ZNF217: variants seen among roughly 807,000 people sequenced by gnomAD.
ZNF217 encodes the protein zinc finger protein 217.
In ZNF217, 12 loss-of-function variants were observed where a neutral mutation model predicts 73.3. The ratio of observed to expected loss-of-function variants is 0.16; its 90% CI spans 0.10 to 0.27. The LOEUF (loss-of-function observed/expected upper bound fraction) is 0.27, where lower values mean the gene tolerates loss of function less well. ZNF217 is among the 10% of genes least tolerant of loss of function. ZNF217 has a pLI of 1.00. For missense variants in ZNF217, 1,195 were observed against 1,327.8 expected, an observed-to-expected ratio of 0.90 and a Z score of 1.55; for synonymous variants, 588 against 516.4, an observed-to-expected ratio of 1.14 and a Z score of -1.88.
chr20:53,576,658 C>A lies in ZNF217; in HGVS notation c.2106G>T (p.Leu702Phe). ...GALHNCPAIS[L>F]SKSLIPSITC... The stretch of plus-strand genomic sequence containing the variant: ...TGATACTTGGAATCAAACTTTTACT[C>A]AAAGAAATTGCCGGGCAATTGTGAA... Residue 702 changes from leucine to phenylalanine, a missense_variant, in exon 4 of 6, where the codon TTG becomes TTT. Around this residue, in one of 9 missense-constraint regions of ZNF217, gnomAD observed 649 missense variants for 642.8 expected, o/e 1.01. Coordinates refer to ENST00000371471, the MANE Select transcript of ZNF217 (RefSeq NM_006526.3). 1.2e-6 allele frequency: 2 copies of A among 1,614,178 alleles called. No individual in the cohort carries two copies. The highest frequency in any genetic ancestry group is 1.7e-6 in the Non-Finnish European group (2 of 1,180,044).
intron 3 of ZNF217, 39 bp from the exon 4 acceptor site, chr20:53,577,319 A>G (rs1312820025): frequency 6.5e-7 from 1 of 1,531,244 alleles, no homozygotes; most frequent in South Asian, 1.2e-5. Context: ...GAAGTGTATG[A>G]AAAGCACTGA....
rs752670692 is a variant in ZNF217 at position 53,576,068 on chromosome 20, T to C, written c.2696A>G (p.Tyr899Cys). The C allele has an allele frequency of 6.8e-6, 11 of 1,614,200 alleles. No homozygotes were observed. The highest frequency in any genetic ancestry group is 2.7e-5 in the African/African-American group (2 of 75,062). Residue 899 changes from tyrosine (Y) to cysteine (C), a missense_variant, in exon 4 of 6, where the codon TAT becomes TGT. Around this residue, in one of 9 missense-constraint regions of ZNF217, gnomAD observed 649 missense variants for 642.8 expected, o/e 1.01. Coordinates refer to ENST00000371471, the MANE Select transcript of ZNF217 (RefSeq NM_006526.3). ...DSPWAPPGRD[Y>C]FCNRSASNTA... ...ATTGCTGGCACTCCGATTACAGAAA[T>C]AGTCTCTTCCCGGAGGTGCCCACGG...
Position 53,581,334 on chromosome 20 carries a change from G to A in ZNF217, c.1366+127C>T, listed in dbSNP as rs1037393415. The A allele has an allele frequency of 2.3e-6, 3 of 1,328,808 alleles. No homozygotes were observed. The highest frequency in any genetic ancestry group is 2.9e-5 in the African/African-American group (2 of 68,266). The allele number at this position is 1,328,808 out of a possible 1,614,324, so 82.3% of individuals were successfully genotyped here. On this transcript the variant is annotated intron_variant, in intron 2 of 5. Coordinates refer to ENST00000371471, the MANE Select transcript of ZNF217 (RefSeq NM_006526.3). This position sits in a 1 kb window ranked among gnomAD's most constrained non-coding sequence, Gnocchi z 4.9. ...ACAGAGTGATACCAAAAAGAGCCTGGACTTGACTCTGGCTCTCCAAACCCC... is the reference window on the plus strand; with the variant it reads ...ACAGAGTGATACCAAAAAGAGCCTGAACTTGACTCTGGCTCTCCAAACCCC...
At position 53,576,878 on chromosome 20, in the gene ZNF217, CTCT is replaced by C; in HGVS notation, c.1883_1885del (p.Lys628del). The C allele has an allele frequency of 6.2e-7, 1 of 1,614,200 alleles. No homozygotes were observed. The highest frequency in any genetic ancestry group is 8.5e-7 in the Non-Finnish European group (1 of 1,180,040). On this transcript the variant is annotated inframe_deletion, in exon 4 of 6. Transcript: ENST00000371471. ...ATTTGCCTGAGTTTCAACTGCTGAT[CTCT>C]TTTTTAACAGGTCCAGGTAAGCAGG...
intron 1 of ZNF217, among the ~76,000 whole-genome samples, chr20:53,584,728 T>C (rs1272695120): frequency 2.0e-5 from 3 of 152,236 alleles, no homozygotes. Context: ...GTTCTGGGGA[T>C]AGAGCTACAC....
intron 4 of ZNF217, among the ~76,000 whole-genome samples, chr20:53,573,633 AT>A (rs1414773994): frequency 6.6e-6 from 1 of 152,098 alleles, no homozygotes; most frequent in Non-Finnish European, 1.5e-5. Flanking sequence ...CAATTTTTGT[AT>A]TTTTAGTAGA....
chr20:53,578,078 C>T (rs1414381216), intron 3 of ZNF217, among the ~76,000 whole-genome samples: 1 of 152,080 alleles, frequency 6.6e-6, no homozygotes, highest in African/African-American at 2.4e-5. Context: ...CACCACTGCA[C>T]TCCAGCCGAG....
intron 3 of ZNF217, among the ~76,000 whole-genome samples, chr20:53,577,959 G>A (rs1434234741): frequency 6.6e-6 from 1 of 151,944 alleles, no homozygotes; most frequent in Non-Finnish European, 1.5e-5. Context: ...TAAAAATACA[G>A]AAATTAGCCG....
At position 53,577,217 on chromosome 20, in the gene ZNF217, T is replaced by C. The variant is rs1988317783; in HGVS notation, c.1547A>G (p.Tyr516Cys). 6.2e-7 allele frequency: 1 copy of C among 1,608,952 alleles called. No homozygotes were observed. The highest frequency in any genetic ancestry group is 1.7e-5 in the Admixed American group (1 of 60,014). The change falls in exon 4 of 6, where the codon TAT (tyrosine) becomes TGT (cysteine). Residue 516 changes from tyrosine (Y) to cysteine (C), a missense_variant. Physicochemically the swap from Tyr to Cys is radical, Grantham distance 194 (BLOSUM62 -2). Coordinates refer to ENST00000371471, the MANE Select transcript of ZNF217 (RefSeq NM_006526.3). ...YAAAQKTSLR[Y>C]HLERHHKEKQ... Reference sequence around the variant, plus strand: ...TTCCTTGTGATGTCTCTCCAAGTGATACCTCAGAGATGTCTTCTGGGCTGC... The same window carrying C: ...TTCCTTGTGATGTCTCTCCAAGTGACACCTCAGAGATGTCTTCTGGGCTGC...
At chr20:53,594,170 C>T (rs1988991080), upstream of ZNF217, among the ~76,000 whole-genome samples, 1 of 151,630 alleles carries the variant, frequency 6.6e-6, no homozygotes, top group African/African-American at 2.4e-5. Flanking sequence ...GCGGGCGCCC[C>T]CTACTCGTCC....
At chr20:53,587,200 A>G (rs547705564) in intron 1 of ZNF217, among the ~76,000 whole-genome samples, 1 of 152,370 alleles carries the variant, frequency 6.6e-6, no homozygotes, top group East Asian at 1.9e-4. Flanking sequence ...GAAATCCAGT[A>G]GGAACCATAT....
rs1241311540 is a variant in ZNF217, at chr20:53,576,170, G to T, written c.2594C>A (p.Pro865Gln). 1 of 1,614,126 alleles carries T rather than the reference G, an allele frequency of 6.2e-7. No homozygotes were observed. The highest frequency in any genetic ancestry group is 1.3e-5 in the African/African-American group (1 of 74,942). ...GAGGGTGGGCTGAGAAGGAGCTACT[G>T]GAAGAGGTTTCAATTTTGTCTCGGG... ...KRPETKLKPL[P>Q]VAPSQPTLGS... The change falls in exon 4 of 6, where the codon CCA (proline) becomes CAA (glutamine). Residue 865 changes from proline (P) to glutamine (Q), a missense_variant. By Grantham distance (76) the Pro-to-Gln change is moderately conservative. Transcript: ENST00000371471.
intron 4 of ZNF217, among the ~76,000 whole-genome samples, chr20:53,573,323 A>T (rs775012582): frequency 1.0e-3 from 159 of 152,116 alleles, no homozygotes; most frequent in Non-Finnish European, 1.9e-3. Flanking sequence ...AGGTTTCTCC[A>T]TTGTTGGTCA....
chr20:53,574,408 G>T (rs1988152096), intron 4 of ZNF217: 1 of 152,244 alleles, frequency 6.6e-6, no homozygotes, highest in South Asian at 2.1e-4. Context: ...TCTGCCCCGT[G>T]TGGGAAGCAT....
In ZNF217 at chr20:53,569,125, T is replaced by C; in HGVS notation, c.*163A>G. 1 of 1,328,268 alleles carries C rather than the reference T, an allele frequency of 7.5e-7. No individual in the cohort carries two copies. Among genetic ancestry groups the C allele is most frequent in the Non-Finnish European group, 1.0e-6 (1 of 1,004,108 alleles). The allele number at this position is 1,328,268 out of a possible 1,614,324, so 82.3% of individuals were successfully genotyped here. On this transcript the variant is annotated 3_prime_UTR_variant, in exon 6 of 6. Transcript: ENST00000371471. The stretch of plus-strand genomic sequence containing the variant: ...AGTTAACAGAACAACTTTACACAAC[T>C]GTAGTGTTCCTTGCAGATTCCTCAT...
chr20:53,578,741 T>C (rs560325583), intron 2 of ZNF217, among the ~76,000 whole-genome samples: 2 of 152,326 alleles, frequency 1.3e-5, no homozygotes, highest in East Asian at 3.9e-4. Context: ...GATCATTTCA[T>C]AGACTGAATT....
chr20:53,567,788 G>C lies in ZNF217; in HGVS notation c.*1500C>G, dbSNP rs1431041164. The C allele has an allele frequency of 1.3e-5, 2 of 152,384 alleles. No individual in the cohort carries two copies. The highest frequency in any genetic ancestry group is 4.8e-5 in the African/African-American group (2 of 41,362). 9.4% of individuals were successfully genotyped at this position (152,384 alleles called of 1,614,324 possible). A position where few individuals can be genotyped will look rare whatever the true frequency, so the allele number is the denominator to read the frequency against. ...AAATGAGTTCTCCCTTGTAACACAG[G>C]AGCTAAGACTTCTATCAAGGAGGAC... is the stretch of plus-strand genomic sequence containing the variant. On this transcript the variant is annotated 3_prime_UTR_variant, in exon 6 of 6. Transcript: ENST00000371471.
intron 4 of ZNF217, among the ~76,000 whole-genome samples, chr20:53,572,408 T>C (rs1337040636): frequency 6.6e-6 from 1 of 150,654 alleles, no homozygotes; most frequent in Non-Finnish European, 1.5e-5. Flanking sequence ...AGTGTGACCC[T>C]GTCTCACAGA....
chr20:53,578,531 C>A, intron 2 of ZNF217, 81 bp from the exon 3 acceptor site: 1 of 865,558 alleles, frequency 1.2e-6, no homozygotes, highest in South Asian at 2.0e-5. Flanking sequence ...ATATTCTTGA[C>A]ATAAACATTT....
Sources: gnomAD v4.1 joint callset for allele counts (sites outside exome capture counted in the v4.1 genomes callset) on GRCh38, gnomAD v4.1.1 for gene constraint, gnomAD v4.1.1 regional missense constraint, Gnocchi (gnomAD v3.1) non-coding constraint, MANE v1.5 for transcripts, NCBI Gene and HGNC (gene_info 2026-07-23, HGNC 2026-07-21) for gene names.